Variants in AGAP4 observed in about 807,000 individuals in gnomAD.
AGAP4 encodes ArfGAP with GTPase domain, ankyrin repeat and PH domain 4, also known as arf-GAP with GTPase, ANK repeat and PH domain-containing protein 4.
AGAP4 carries 13 observed loss-of-function variants against 60.7 expected under a neutral mutation model. That is an observed-to-expected ratio of 0.21 (90% CI 0.14 to 0.34). AGAP4 has a LOEUF of 0.34. Among genes scored for constraint, AGAP4 ranks in the 10% least tolerant of loss-of-function variants. The pLI, the probability that AGAP4 is intolerant of heterozygous loss-of-function variation, is 1.00. For missense variants in AGAP4, 169 were observed against 884.0 expected, an observed-to-expected ratio of 0.19 and a Z score of 10.26; for synonymous variants, 70 against 339.0, an observed-to-expected ratio of 0.21 and a Z score of 8.72.
intron 4 of AGAP4, among the ~76,000 whole-genome samples, chr10:45,837,778 A>T (rs1432733984): frequency 2.7e-5 from 4 of 150,746 alleles, no homozygotes; most frequent in African/African-American, 9.8e-5. Flanking sequence ...AGAAGATAAC[A>T]TTGGAAAAAC....
chr10:45,842,401 C>T (rs1260909752), intron 3 of AGAP4, among the ~76,000 whole-genome samples: 3 of 150,260 alleles, frequency 2.0e-5, no homozygotes, highest in Non-Finnish European at 4.4e-5. Flanking sequence ...GCCACCATGC[C>T]TAGCTAATTG....
At chr10:45,848,536 T>C (rs2059036089), upstream of AGAP4, among the ~76,000 whole-genome samples, 1 of 151,188 alleles carries the variant, frequency 6.6e-6, no homozygotes, top group Non-Finnish European at 1.5e-5. Context: ...CATTTAACCC[T>C]CAGAAACAAT....
At chr10:45,834,761 T>C (rs1405555780) in intron 4 of AGAP4, among the ~76,000 whole-genome samples, 2 of 140,196 alleles carry the variant, frequency 1.4e-5, no homozygotes, top group Admixed American at 1.4e-4. Flanking sequence ...TGAGAATTTC[T>C]ATTAATTAAT....
At chr10:45,849,800 C>A (rs1435422249), upstream of AGAP4, among the ~76,000 whole-genome samples, 1 of 151,036 alleles carries the variant, frequency 6.6e-6, no homozygotes, top group Non-Finnish European at 1.5e-5. Flanking sequence ...GCCACCATGC[C>A]CAGCTAATTT....
chr10:45,853,560 G>A (rs2059109007), intron 1 of AGAP4: 3 of 1,235,988 alleles, frequency 2.4e-6, no homozygotes, highest in Non-Finnish European at 3.1e-6. Context: ...TTATCAAGAG[G>A]TCTTCACACT....
chr10:45,831,779 G>T (rs1270965686), intron 5 of AGAP4, among the ~76,000 whole-genome samples: 2 of 116,750 alleles, frequency 1.7e-5, no homozygotes, highest in Admixed American at 1.8e-4. Context: ...TGTCTCTCTT[G>T]CTCAGACTGG....
intron 3 of AGAP4, among the ~76,000 whole-genome samples, chr10:45,844,079 C>A (rs1197496389): frequency 2.7e-5 from 4 of 150,424 alleles, no homozygotes; most frequent in Non-Finnish European, 4.4e-5. Context: ...ATCCATGACT[C>A]CTCCATCACA....
At chr10:45,833,177 CAG>C (rs2058760353) in intron 5 of AGAP4, among the ~76,000 whole-genome samples, 1 of 54,088 alleles carries the variant, frequency 1.8e-5, no homozygotes, top group Non-Finnish European at 3.8e-5. Flanking sequence ...GGACTTGAGA[CAG>C]AGTTTGAGTC....
At chr10:45,849,453 T>C (rs1422254279), upstream of AGAP4, among the ~76,000 whole-genome samples, 4 of 135,330 alleles carry the variant, frequency 3.0e-5, no homozygotes, top group African/African-American at 1.1e-4. Flanking sequence ...GGAAATGACA[T>C]TGTAGATGAT....
At chr10:45,841,879 T>G (rs1429963962) in intron 3 of AGAP4, among the ~76,000 whole-genome samples, 192 bp from the exon 4 acceptor site, 33 of 152,042 alleles carry the variant, frequency 2.2e-4, no homozygotes, top group Non-Finnish European at 1.2e-4. Flanking sequence ...AACTTAGATT[T>G]TCATTTAGTT....
intron 4 of AGAP4, among the ~76,000 whole-genome samples, chr10:45,836,744 T>G (rs1317901597): frequency 9.6e-6 from 1 of 104,028 alleles, no homozygotes; most frequent in Non-Finnish European, 2.0e-5. Context: ...CTGCATCTGT[T>G]TAGATGATCA....
intron 4 of AGAP4, among the ~76,000 whole-genome samples, chr10:45,837,023 C>T (rs1390026244): frequency 4.8e-5 from 7 of 145,214 alleles, no homozygotes; most frequent in African/African-American, 1.0e-4. Flanking sequence ...AGCGCCACCA[C>T]ACCCGGCTAA....
chr10:45,851,288 C>T (rs1296102321), upstream of AGAP4, among the ~76,000 whole-genome samples: 8 of 151,828 alleles, frequency 5.3e-5, no homozygotes, highest in African/African-American at 1.9e-4. Flanking sequence ...CTCAAGAGAC[C>T]TGCATATGAA....
At chr10:45,849,250 T>C (rs1165554383), upstream of AGAP4, among the ~76,000 whole-genome samples, 1 of 151,300 alleles carries the variant, frequency 6.6e-6, no homozygotes. Flanking sequence ...AACAAAACCC[T>C]ATAAGATCTC....
chr10:45,843,686 C>G lies in AGAP4; in HGVS notation c.361+640G>C, dbSNP rs1386913557. Among the ~76,000 whole-genome samples, 89 of 137,056 alleles carry G rather than the reference C, an allele frequency of 6.5e-4. 11 individuals are homozygous for G. Among genetic ancestry groups the G allele is most frequent in the African/African-American group, 2.4e-3 (87 of 35,756 alleles). 89.9% of individuals were successfully genotyped at this position (137,056 alleles called of 152,430 possible). ...TCACTTGTGTTCTTGCTGTTTAAGT[C>G]AACTGGAAAACTTGGCTGTGTATGG... On this transcript the variant is annotated intron_variant, in intron 3 of 7. Coordinates refer to ENST00000616763, the MANE Select transcript of AGAP4 (RefSeq NM_001276343.3).
chr10:45,854,665 AAAAG>A (rs1431222796), upstream of AGAP4: 4 of 144,958 alleles, frequency 2.8e-5, no homozygotes, highest in Non-Finnish European at 4.7e-5. Flanking sequence ...AAAAGAGAGA[AAAAG>A]AGAGAGACAG....
rs1311480104 is a variant in AGAP4 at position 45,828,451 on chromosome 10, G to C, written c.534-371C>G. Among the ~76,000 whole-genome samples the C allele has an allele frequency of 4.0e-5, 6 of 149,024 alleles. No individual in the cohort carries two copies. In the East Asian group the frequency reaches 1.2e-3, roughly 29 times the overall value. On this transcript the variant is annotated intron_variant, in intron 6 of 7. Coordinates refer to ENST00000616763, the MANE Select transcript of AGAP4 (RefSeq NM_001276343.3). ...ATGTAAATGTGATTCAGATTTCCTA[G>C]CTTCCTTTCTCTTTAGTTCTCTGTA...
upstream of AGAP4, among the ~76,000 whole-genome samples, chr10:45,852,217 TAAAAAAAAAAAA>T (rs781889843): frequency 1.0e-3 from 92 of 91,714 alleles, no homozygotes; most frequent in African/African-American, 4.7e-3. Context: ...GGCCAGACTT[TAAAAAAAAAAAA>T]AAAAAAAAAA....
chr10:45,837,326 A>G (rs1417473489), intron 4 of AGAP4, among the ~76,000 whole-genome samples: 1 of 150,532 alleles, frequency 6.6e-6, no homozygotes, highest in African/African-American at 2.4e-5. Context: ...TGCAACTCCC[A>G]TCAAAATACC....
Sources: gnomAD v4.1 joint callset for allele counts (sites outside exome capture counted in the v4.1 genomes callset) on GRCh38, gnomAD v4.1.1 for gene constraint, MANE v1.5 for transcripts, NCBI Gene and HGNC (gene_info 2026-07-23, HGNC 2026-07-21) for gene names.